ABHD5: variants seen among roughly 807,000 people sequenced by gnomAD.
The protein encoded by ABHD5 is 1-acylglycerol-3-phosphate O-acyltransferase ABHD5.
ABHD5 carries 30 observed loss-of-function variants against 44.9 expected under a neutral mutation model. The ratio of observed to expected loss-of-function variants is 0.67; its 90% CI spans 0.50 to 0.91. The LOEUF (loss-of-function observed/expected upper bound fraction) is 0.91, where lower values mean the gene tolerates loss of function less well. ABHD5 is among the 40% of genes least tolerant of loss of function. The pLI is 0.00. For synonymous variants in ABHD5, 167 were observed against 147.0 expected (o/e 1.14, Z -0.99); for missense variants, 399 against 423.4 (o/e 0.94, Z 0.50).
chr3:43,704,055 T>G (rs2084584395), intron 3 of ABHD5, among the ~76,000 whole-genome samples: 1 of 104,102 alleles, frequency 9.6e-6, no homozygotes, highest in Admixed American at 1.0e-4. Flanking sequence ...TTTTTTTTTT[T>G]GAGCCGGAGT....
chr3:43,717,870 C>T lies in ABHD5; in HGVS notation c.960+13C>T. The T allele has an allele frequency of 1.2e-6, 2 of 1,614,032 alleles. No homozygotes were observed. The highest frequency in any genetic ancestry group is 8.5e-7 in the Non-Finnish European group (1 of 1,179,936). On this transcript the variant is annotated intron_variant, in intron 6 of 6. Coordinates refer to ENST00000644371, the MANE Select transcript of ABHD5 (RefSeq NM_016006.6). ...TGTGAAGACAATAGTAAGTGTGTGGCTTGATTTGGGTTTTTAGGTATAGGT... is the reference window on the plus strand; with the variant it reads ...TGTGAAGACAATAGTAAGTGTGTGGTTTGATTTGGGTTTTTAGGTATAGGT...
Position 43,712,727 on chromosome 3 carries a change from T to C in ABHD5, c.661+864T>C, listed in dbSNP as rs180916324. Among the ~76,000 whole-genome samples the C allele has an allele frequency of 2.6e-3, 390 of 152,320 alleles. 2 individuals are homozygous for C. Among genetic ancestry groups the C allele is most frequent in the African/African-American group, 9.1e-3 (380 of 41,566 alleles). On this transcript the variant is annotated intron_variant, in intron 4 of 6. Coordinates refer to ENST00000644371, the MANE Select transcript of ABHD5 (RefSeq NM_016006.6). Reference sequence around the variant, plus strand: ...TTAGGGTTTGGGTCTGTGTCTGTGATTTTCTTGACTTTTTTCCTCACGGTG... The same window carrying C: ...TTAGGGTTTGGGTCTGTGTCTGTGACTTTCTTGACTTTTTTCCTCACGGTG...
chr3:43,696,113 A>G (rs376492147), intron 1 of ABHD5, among the ~76,000 whole-genome samples: 1 of 152,192 alleles, frequency 6.6e-6, no homozygotes, highest in Non-Finnish European at 1.5e-5. Flanking sequence ...AGCTTTCCCC[A>G]TGTCATAGAT....
intron 1 of ABHD5, 76 bp from the exon 2 acceptor site, chr3:43,699,200 C>A: frequency 7.7e-7 from 1 of 1,301,474 alleles, no homozygotes. Flanking sequence ...TGCTGCCTTT[C>A]TTCTGTGCAT....
At chr3:43,726,036 T>C (rs1042063590), downstream of ABHD5, among the ~76,000 whole-genome samples, 26 of 152,130 alleles carry the variant, frequency 1.7e-4, no homozygotes, top group Admixed American at 3.9e-4. Context: ...CGGCTAATTT[T>C]TGTATTTTTA....
At chr3:43,692,065 C>T (rs533146728) in intron 1 of ABHD5, among the ~76,000 whole-genome samples, 14 of 152,178 alleles carry the variant, frequency 9.2e-5, no homozygotes, top group African/African-American at 3.1e-4. Context: ...TTTCTCAAGG[C>T]CTGTCGTTTG....
At chr3:43,732,833 A>T (rs1697260467) in intron 7 of ABHD5, among the ~76,000 whole-genome samples, 1 of 152,064 alleles carries the variant, frequency 6.6e-6, no homozygotes. Context: ...AGTCAAGGTG[A>T]TGGCCAGGGC....
At chr3:43,691,860 T>C (rs1245971342) in intron 1 of ABHD5, among the ~76,000 whole-genome samples, 1 of 152,336 alleles carries the variant, frequency 6.6e-6, no homozygotes, top group Admixed American at 6.5e-5. Flanking sequence ...GTGTGTTGCA[T>C]GTGCCTTAGA....
intron 5 of ABHD5, among the ~76,000 whole-genome samples, 174 bp from the exon 6 acceptor site, chr3:43,717,497 A>G (rs2084780064): frequency 6.6e-6 from 1 of 152,250 alleles, no homozygotes; most frequent in Admixed American, 6.5e-5. Context: ...CTTATCTAAC[A>G]GTGATCTGTG....
chr3:43,726,606 G>A (rs2149611472), downstream of ABHD5, among the ~76,000 whole-genome samples: 1 of 152,284 alleles, frequency 6.6e-6, no homozygotes, highest in Middle Eastern at 3.4e-3. Context: ...GCTTCACTTG[G>A]CCAGCACCAA....
chr3:43,694,864 G>A (rs965921468), intron 1 of ABHD5: 1 of 152,088 alleles, frequency 6.6e-6, no homozygotes, highest in Non-Finnish European at 1.5e-5. Context: ...AATTGTAGCT[G>A]TATGAGACCA....
chr3:43,707,593 A>G (rs1302596427), intron 3 of ABHD5: 1 of 151,678 alleles, frequency 6.6e-6, no homozygotes, highest in Admixed American at 6.6e-5. Context: ...CCTTAGATTC[A>G]CTTACACATT....
chr3:43,707,328 A>G (rs2084633459), intron 3 of ABHD5, among the ~76,000 whole-genome samples: 1 of 152,182 alleles, frequency 6.6e-6, no homozygotes, highest in Non-Finnish European at 1.5e-5. Context: ...AAATAATTTT[A>G]TCTTGAATAC....
At position 43,711,728 on chromosome 3, in the gene ABHD5, G is replaced by T. The variant is rs1461932771; in HGVS notation, c.526G>T (p.Val176Leu). 26 of 1,613,998 alleles carry T rather than the reference G, an allele frequency of 1.6e-5. No homozygotes were observed. Among genetic ancestry groups the T allele is most frequent in the Non-Finnish European group, 2.0e-5 (24 of 1,180,024 alleles). The change falls in exon 4 of 7, where the codon GTG becomes TTG. Residue 176 changes from valine (V) to leucine (L), a missense_variant. Coordinates refer to ENST00000644371, the MANE Select transcript of ABHD5 (RefSeq NM_016006.6). The part of the protein sequence containing the change: ...YPSRVNHLIL[V>L]EPWGFPERPD... The stretch of plus-strand genomic sequence containing the variant: ...CAACAGGGTTAATCATCTCATTTTA[G>T]TGGAGCCTTGGGGTTTCCCTGAACG...
intron 1 of ABHD5, 113 bp from the exon 2 acceptor site, chr3:43,699,163 A>C (rs2084509026): frequency 1.1e-6 from 1 of 893,934 alleles, no homozygotes; most frequent in African/African-American, 1.6e-5. Flanking sequence ...ACATAGCTTT[A>C]CCATCACACA....
chr3:43,716,713 C>T (rs1315540811), intron 5 of ABHD5, among the ~76,000 whole-genome samples: 5 of 152,078 alleles, frequency 3.3e-5, no homozygotes, highest in African/African-American at 9.7e-5. Context: ...TTTTAGGGGT[C>T]TTCCCCGGGA....
chr3:43,691,739 A>C (rs543562375), intron 1 of ABHD5: 109 of 152,330 alleles, frequency 7.2e-4, no homozygotes, highest in African/African-American at 2.5e-3. Context: ...AGATAGAGAT[A>C]CACGTTCAAA....
At chr3:43,713,385 A>G (rs1263986523) in intron 4 of ABHD5, among the ~76,000 whole-genome samples, 1 of 151,760 alleles carries the variant, frequency 6.6e-6, no homozygotes, top group Non-Finnish European at 1.5e-5. Flanking sequence ...TGTTAGTGAG[A>G]AAAGAGAAGA....
rs1308534004 is a variant in ABHD5 at position 43,719,213 on chromosome 3, G to C, written c.*681G>C. Reference sequence around the variant, plus strand: ...CAGTGTATAACAACATAACTCCTTGGAACCTCCTATGTGTGGTATAATTCT... The same window carrying C: ...CAGTGTATAACAACATAACTCCTTGCAACCTCCTATGTGTGGTATAATTCT... On this transcript the variant is annotated 3_prime_UTR_variant, in exon 7 of 7. Coordinates refer to ENST00000644371, the MANE Select transcript of ABHD5 (RefSeq NM_016006.6). The C allele has an allele frequency of 1.3e-5, 2 of 152,304 alleles. No homozygotes were observed. The highest frequency in any genetic ancestry group is 4.8e-5 in the African/African-American group (2 of 41,396). 9.4% of individuals were successfully genotyped at this position (152,304 alleles called of 1,614,324 possible).
Sources: gnomAD v4.1 joint callset for allele counts (sites outside exome capture counted in the v4.1 genomes callset) on GRCh38, gnomAD v4.1.1 for gene constraint, MANE v1.5 for transcripts, NCBI Gene and HGNC (gene_info 2026-07-23, HGNC 2026-07-21) for gene names.